The following CBLB variants were observed in gnomAD, a reference collection of about 807,000 sequenced individuals.
The protein encoded by CBLB is E3 ubiquitin-protein ligase CBL-B.
A neutral mutation model predicts 104.9 loss-of-function variants in CBLB; 31 were observed. The ratio of observed to expected loss-of-function variants is 0.30; its 90% confidence interval spans 0.22 to 0.40. The LOEUF is 0.40. Ranked by LOEUF, CBLB falls within the 10% of genes least tolerant of loss-of-function variation. The pLI is 1.00. For missense variants in CBLB, 1,062 were observed against 1,214.6 expected (o/e 0.87, Z 1.87); for synonymous variants, 440 against 422.6 (o/e 1.04, Z -0.51).
At chr3:105,864,346 C>G (rs974828330) in intron 2 of CBLB, among the ~76,000 whole-genome samples, 2 of 152,140 alleles carry the variant, frequency 1.3e-5, no homozygotes, top group East Asian at 1.9e-4. Flanking sequence ...AGTAGGCCCT[C>G]AAAAAATGTT....
intron 3 of CBLB, among the ~76,000 whole-genome samples, chr3:105,844,176 G>C (rs902635607): frequency 1.1e-4 from 17 of 152,176 alleles, no homozygotes; most frequent in African/African-American, 3.6e-4. Flanking sequence ...ACCAGAAACT[G>C]AGACAGACAA....
At chr3:105,821,511 C>T (rs535380855) in intron 3 of CBLB, among the ~76,000 whole-genome samples, 1 of 152,220 alleles carries the variant, frequency 6.6e-6, no homozygotes, top group South Asian at 2.1e-4. Context: ...TTCACATAAA[C>T]ACTACTGCCA....
intron 6 of CBLB, 84 bp downstream of exon 6, chr3:105,745,833 T>C: frequency 8.2e-7 from 1 of 1,220,322 alleles, no homozygotes; most frequent in South Asian, 1.2e-5. Context: ...CATCAGCGGG[T>C]ATTGCTGACT....
chr3:105,867,329 A>C, intron 2 of CBLB, 81 bp downstream of exon 2: 1 of 1,202,796 alleles, frequency 8.3e-7, no homozygotes, highest in Non-Finnish European at 1.2e-6. Context: ...GGTTGGTATT[A>C]ATTAACAGTA....
chr3:105,678,012 A>G (rs2065861677), intron 17 of CBLB, among the ~76,000 whole-genome samples: 1 of 152,188 alleles, frequency 6.6e-6, no homozygotes, highest in African/African-American at 2.4e-5. Context: ...TATGTTTTGA[A>G]CAAAATTATG....
chr3:105,749,444 T>C (rs2076399825), intron 5 of CBLB, among the ~76,000 whole-genome samples: 1 of 152,242 alleles, frequency 6.6e-6, no homozygotes, highest in Admixed American at 6.5e-5. Flanking sequence ...TGACTTGTGC[T>C]GTTTTAAAGT....
intron 3 of CBLB, among the ~76,000 whole-genome samples, chr3:105,782,957 A>G (rs1363634704): frequency 6.6e-6 from 1 of 152,224 alleles, no homozygotes; most frequent in Non-Finnish European, 1.5e-5. Flanking sequence ...TCTTCACAGG[A>G]CAAATATATT....
chr3:105,806,052 G>A (rs1389532969), intron 3 of CBLB, among the ~76,000 whole-genome samples: 1 of 152,026 alleles, frequency 6.6e-6, no homozygotes, highest in African/African-American at 2.4e-5. Flanking sequence ...CTCTACAGAA[G>A]AAAAGTTTGC....
At chr3:105,777,612 CA>C (rs2079638967) in intron 3 of CBLB, among the ~76,000 whole-genome samples, 1 of 151,974 alleles carries the variant, frequency 6.6e-6, no homozygotes, top group Admixed American at 6.6e-5. Flanking sequence ...CAGGGTGAGA[CA>C]ATGTCTCAAA....
chr3:105,720,360 G>C, intron 9 of CBLB, 110 bp from the exon 10 acceptor site: 1 of 1,002,856 alleles, frequency 1.0e-6, no homozygotes, highest in Non-Finnish European at 1.5e-6. Context: ...AGACTTTTTG[G>C]GGTAGGAGGT....
chr3:105,702,554 A>C, intron 11 of CBLB, 95 bp from the exon 12 acceptor site: 1 of 1,308,050 alleles, frequency 7.6e-7, no homozygotes, highest in Non-Finnish European at 1.0e-6. Flanking sequence ...TTATTGCTTT[A>C]ATTTTCTAAG....
chr3:105,786,987 A>C (rs2081103426), intron 3 of CBLB, among the ~76,000 whole-genome samples: 1 of 152,218 alleles, frequency 6.6e-6, no homozygotes, highest in Non-Finnish European at 1.5e-5. Context: ...ACACTAATTT[A>C]GATGTCAATG....
intron 5 of CBLB, 84 bp downstream of exon 5, chr3:105,751,378 G>C (rs985733652): frequency 4.6e-5 from 42 of 922,528 alleles, no homozygotes; most frequent in Non-Finnish European, 6.0e-5. Flanking sequence ...GTGTGTGAGA[G>C]AGAGACAGAG....
chr3:105,777,092 A>G (rs1210181083), intron 3 of CBLB, among the ~76,000 whole-genome samples: 2 of 152,246 alleles, frequency 1.3e-5, no homozygotes, highest in African/African-American at 4.8e-5. Context: ...TATTGGTATT[A>G]TATCATTTTT....
In CBLB at chr3:105,664,630, C is replaced by A. The variant is rs73854355; in HGVS notation, c.2690-5401G>T. Among the ~76,000 whole-genome samples, 617 of 152,218 alleles carry A rather than the reference C, an allele frequency of 4.1e-3. 4 individuals are homozygous for A. The highest frequency in any genetic ancestry group is 0.014 in the African/African-American group (574 of 41,536). On this transcript the variant is annotated intron_variant, in intron 18 of 18. Coordinates refer to ENST00000394030, the MANE Select transcript of CBLB (RefSeq NM_170662.5). ...ATGCGCATAATTAGAAAAACCACCACCAACAACAAAATAGTCTCAGATCTC... is the reference window on the plus strand; with the variant it reads ...ATGCGCATAATTAGAAAAACCACCAACAACAACAAAATAGTCTCAGATCTC...
At chr3:105,729,626 A>G (rs1280954386) in intron 9 of CBLB, among the ~76,000 whole-genome samples, 1 of 152,108 alleles carries the variant, frequency 6.6e-6, no homozygotes, top group Non-Finnish European at 1.5e-5. Flanking sequence ...TATATGTACA[A>G]GCTTAGATAC....
chr3:105,670,773 T>C (rs371901539), intron 17 of CBLB: 18 of 181,560 alleles, frequency 9.9e-5, no homozygotes, highest in East Asian at 7.8e-4. Flanking sequence ...TATTATCAAA[T>C]TACTTGATCT....
chr3:105,701,382 C>A (rs1350682677), intron 12 of CBLB, among the ~76,000 whole-genome samples: 1 of 152,178 alleles, frequency 6.6e-6, no homozygotes, highest in Non-Finnish European at 1.5e-5. Flanking sequence ...CTGTCCCAGG[C>A]AACAATAACT....
intron 5 of CBLB, among the ~76,000 whole-genome samples, chr3:105,750,212 G>A (rs749651834): frequency 2.8e-4 from 43 of 151,950 alleles, no homozygotes; most frequent in Non-Finnish European, 5.9e-4. Context: ...TAGAGGCGGG[G>A]TTTCACATCC....
Sources: allele counts gnomAD v4.1 joint callset (sites outside exome capture counted in the v4.1 genomes callset), GRCh38; gene constraint gnomAD v4.1.1; transcripts MANE v1.5; gene names NCBI Gene and HGNC (gene_info 2026-07-23, HGNC 2026-07-21).